Variants in DLGAP2 observed in about 807,000 individuals in gnomAD.
DLGAP2 encodes DLG associated protein 2, also known as disks large-associated protein 2.
A neutral mutation model predicts 100.3 loss-of-function variants in DLGAP2; 26 were observed. That is an observed-to-expected ratio of 0.26 (90% CI 0.19 to 0.36). DLGAP2 has a LOEUF of 0.36. Among genes scored for constraint, DLGAP2 ranks in the 10% least tolerant of loss-of-function variants. DLGAP2 has a pLI of 1.00. For missense variants in DLGAP2, 1,858 were observed against 1,453.2 expected, an observed-to-expected ratio of 1.28 and a Z score of -4.53; for synonymous variants, 886 against 630.1, an observed-to-expected ratio of 1.41 and a Z score of -6.08.
At chr8:1,572,281 G>A (rs1230982846) in intron 6 of DLGAP2, among the ~76,000 whole-genome samples, 2 of 130,528 alleles carry the variant, frequency 1.5e-5, no homozygotes, top group African/African-American at 3.0e-5. Flanking sequence ...AGAGGAGAGA[G>A]GTGAACTGTG....
intron 2 of DLGAP2, among the ~76,000 whole-genome samples, chr8:1,190,214 A>T (rs1379405856): frequency 6.6e-6 from 1 of 152,204 alleles, no homozygotes. Context: ...GACCTCTTCC[A>T]GATTCTGGTG....
intron 4 of DLGAP2, among the ~76,000 whole-genome samples, chr8:1,515,835 C>G (rs17755148): frequency 0.031 from 4,703 of 152,330 alleles, 198 homozygotes; most frequent in East Asian, 0.12. Context: ...TCCCTCTGTA[C>G]TGTGCTATGG....
intron 2 of DLGAP2, among the ~76,000 whole-genome samples, chr8:946,064 T>G (rs1398180248): frequency 8.2e-6 from 1 of 122,184 alleles, no homozygotes; most frequent in African/African-American, 2.7e-5. Flanking sequence ...CTTCCAGGGC[T>G]GCAGCCTCCT....
intron 3 of DLGAP2, among the ~76,000 whole-genome samples, chr8:1,433,314 C>A (rs1563144623): frequency 6.6e-6 from 1 of 152,256 alleles, no homozygotes; most frequent in African/African-American, 2.4e-5. Context: ...ACTGGTCCAG[C>A]TGTGGCCGTC....
chr8:921,262 C>G (rs1016574661), intron 2 of DLGAP2, among the ~76,000 whole-genome samples: 1 of 152,186 alleles, frequency 6.6e-6, no homozygotes, highest in Admixed American at 6.5e-5. Flanking sequence ...CGCACACTTT[C>G]CTGGGCTCAG....
At chr8:768,486 G>C (rs1821272720) in intron 1 of DLGAP2, among the ~76,000 whole-genome samples, 1 of 138,248 alleles carries the variant, frequency 7.2e-6, no homozygotes, top group African/African-American at 2.7e-5. Flanking sequence ...GTGCAGTGGT[G>C]TGATCTTGGC....
In DLGAP2 at chr8:1,012,533, C is replaced by G. The variant is rs541972725; in HGVS notation, c.73+104567C>G. 6.8e-4 allele frequency among the ~76,000 whole-genome samples: 91 copies of G among 134,760 alleles called. 1 individual carries two copies. Among genetic ancestry groups the G allele is most frequent in the African/African-American group, 2.3e-3 (84 of 36,270 alleles). The allele number at this position is 134,760 out of a possible 152,430, so 88.4% of individuals were successfully genotyped here. A position where few individuals can be genotyped will look rare whatever the true frequency, so the allele number is the denominator to read the frequency against. The stretch of plus-strand genomic sequence containing the variant: ...GCAGTGTGGACAACGTCCGACCAGC[C>G]CCCCCACTTCAGCGGCAGTGTAGAC... On this transcript the variant is annotated intron_variant, in intron 2 of 14. Coordinates refer to ENST00000637795, the MANE Select transcript of DLGAP2 (RefSeq NM_001346810.2).
intron 1 of DLGAP2, among the ~76,000 whole-genome samples, chr8:837,817 A>G (rs1424530387): frequency 6.6e-6 from 1 of 150,572 alleles, no homozygotes; most frequent in Non-Finnish European, 1.5e-5. Flanking sequence ...CCCGGGTTCA[A>G]GCAATTCTCC....
intron 2 of DLGAP2, among the ~76,000 whole-genome samples, chr8:1,197,817 C>T (rs998384000): frequency 6.6e-6 from 1 of 152,222 alleles, no homozygotes; most frequent in Admixed American, 6.5e-5. Context: ...TCCTGGGCCT[C>T]CTGCAGCGTT....
At chr8:1,079,819 A>G (rs997292569) in intron 2 of DLGAP2, among the ~76,000 whole-genome samples, 1 of 152,214 alleles carries the variant, frequency 6.6e-6, no homozygotes, top group Non-Finnish European at 1.5e-5. Context: ...AATTAGCTCA[A>G]TTTGGGTCTG....
intron 3 of DLGAP2, among the ~76,000 whole-genome samples, chr8:1,347,121 G>C (rs1490451703): frequency 6.6e-6 from 1 of 151,806 alleles, no homozygotes; most frequent in Non-Finnish European, 1.5e-5. Context: ...TTCCCACACA[G>C]AGCTGCATTG....
At chr8:791,266 C>T (rs1296165915) in intron 1 of DLGAP2, among the ~76,000 whole-genome samples, 1 of 152,184 alleles carries the variant, frequency 6.6e-6, no homozygotes, top group Non-Finnish European at 1.5e-5. Flanking sequence ...AGTGAATGAA[C>T]CTCACTTCCC....
chr8:832,312 G>T (rs899649374), intron 1 of DLGAP2, among the ~76,000 whole-genome samples: 2 of 152,200 alleles, frequency 1.3e-5, no homozygotes, highest in Non-Finnish European at 2.9e-5. Flanking sequence ...GAATGGTACT[G>T]CCTAGGTTTT....
intron 1 of DLGAP2, among the ~76,000 whole-genome samples, chr8:787,768 G>A (rs1020431790): frequency 6.6e-6 from 1 of 152,216 alleles, no homozygotes; most frequent in African/African-American, 2.4e-5. Context: ...CATCTTCCTG[G>A]AGTGTATTTG....
intron 2 of DLGAP2, among the ~76,000 whole-genome samples, chr8:966,512 C>G (rs1002863578): frequency 6.6e-6 from 1 of 152,186 alleles, no homozygotes; most frequent in African/African-American, 2.4e-5. Flanking sequence ...TTTGAGAATG[C>G]TTTCATATCT....
chr8:1,450,878 C>A (rs1262035039), intron 3 of DLGAP2, among the ~76,000 whole-genome samples: 1 of 152,000 alleles, frequency 6.6e-6, no homozygotes, highest in East Asian at 1.9e-4. Context: ...AAAGAGACAC[C>A]GTAATAAACA....
At position 790,750 on chromosome 8, in the gene DLGAP2, G is replaced by T. The variant is rs565138967; in HGVS notation, c.18+52925G>T. ...ACCTTCATGTGAAAAGATTTTTTTT[G>T]TGTGTGTGTTTTTGAAACAGGGTTT... On this transcript the variant is annotated intron_variant, in intron 1 of 14. Transcript: ENST00000637795. Among the ~76,000 whole-genome samples, 110 of 151,928 alleles carry T rather than the reference G, an allele frequency of 7.2e-4. No individual in the cohort carries two copies. The South Asian group carries it at 8.5e-3, about 12-fold the overall frequency.
At chr8:1,371,700 G>A (rs895495155) in intron 3 of DLGAP2, among the ~76,000 whole-genome samples, 4 of 152,242 alleles carry the variant, frequency 2.6e-5, no homozygotes, top group East Asian at 3.8e-4. Context: ...TCAGGGCTGA[G>A]CTGGAAGAAT....
chr8:750,882 G>A (rs1322449699), intron 1 of DLGAP2, among the ~76,000 whole-genome samples: 1 of 152,264 alleles, frequency 6.6e-6, no homozygotes, highest in African/African-American at 2.4e-5. Flanking sequence ...AAAATGTCCA[G>A]TCCAAAAATA....
Sources: allele counts gnomAD v4.1 joint callset (sites outside exome capture counted in the v4.1 genomes callset), GRCh38; gene constraint gnomAD v4.1.1; transcripts MANE v1.5; gene names NCBI Gene and HGNC (gene_info 2026-07-23, HGNC 2026-07-21).